Variants in SETD1A observed in about 807,000 individuals in gnomAD.
SETD1A encodes the protein histone-lysine N-methyltransferase SETD1A.
A neutral mutation model predicts 149.9 loss-of-function variants in SETD1A; 29 were observed. That is an observed-to-expected ratio of 0.19 (90% CI 0.14 to 0.26). The LOEUF (loss-of-function observed/expected upper bound fraction) is 0.26. Among genes scored for constraint, SETD1A ranks in the 10% least tolerant of loss-of-function variants. SETD1A has a pLI of 1.00. For synonymous variants in SETD1A, 1,141 were observed against 968.5 expected (o/e 1.18, Z -3.31); for missense variants, 2,109 against 2,353.1 (o/e 0.90, Z 2.15).
At chr16:30,963,336 A>C (rs2056080219) in intron 4 of SETD1A, 97 bp from the exon 5 acceptor site, 1 of 1,215,698 alleles carries the variant, frequency 8.2e-7, no homozygotes, top group South Asian at 1.7e-5. Flanking sequence ...ATTCCAAGAA[A>C]TTGTAGGAAA....
Position 30,983,926 on chromosome 16 carries a change from T to A in SETD1A, c.5027T>A (p.Val1676Glu). 6.2e-7 allele frequency: 1 copy of A among 1,613,984 alleles called. No homozygotes were observed. Among genetic ancestry groups the A allele is most frequent in the Non-Finnish European group, 8.5e-7 (1 of 1,179,938 alleles). Residue 1676 changes from valine (V) to glutamate (E), a missense_variant, in exon 19 of 19, where the codon GTG (valine) becomes GAG (glutamate). Physicochemically the swap from Val to Glu is moderately radical, Grantham distance 121. Around this residue, in one of 8 missense-constraint regions of SETD1A, gnomAD observed 254 missense variants for 409.3 expected, o/e 0.62. Transcript: ENST00000262519. This position sits in a 1 kb window ranked among gnomAD's most constrained non-coding sequence, Gnocchi z 6.8. ...ATCTACTCCAAGCAGCCCATTGGCG[T>A]GGACGAGGAGATCACCTACGACTAC... ...IVIYSKQPIG[V>E]DEEITYDYKF...
intron 6 of SETD1A, 117 bp downstream of exon 6, chr16:30,964,440 C>T: frequency 3.8e-6 from 5 of 1,330,166 alleles, no homozygotes; most frequent in Non-Finnish European, 5.2e-6. Flanking sequence ...CCTAGTTTCT[C>T]TGTGGATTCA....
At position 30,984,086 on chromosome 16, in the gene SETD1A, C is replaced by A; in HGVS notation, c.*63C>A. Reference sequence around the variant, plus strand: ...CCCCTGGTGCCCTGAGCTCCCAGCACCCCCCCAGCCTTAGTGGGCTCAGCA... The same window carrying A: ...CCCCTGGTGCCCTGAGCTCCCAGCAACCCCCCAGCCTTAGTGGGCTCAGCA... On this transcript the variant is annotated 3_prime_UTR_variant, in exon 19 of 19. Transcript: ENST00000262519. The A allele has an allele frequency of 2.8e-6, 4 of 1,447,202 alleles. No homozygotes were observed. The highest frequency in any genetic ancestry group is 2.0e-4 in the Middle Eastern group (1 of 5,098). 89.6% of individuals were successfully genotyped at this position (1,447,202 alleles called of 1,614,324 possible).
intron 13 of SETD1A, among the ~76,000 whole-genome samples, chr16:30,972,831 G>A (rs2056241592): frequency 6.6e-6 from 1 of 151,842 alleles, no homozygotes; most frequent in African/African-American, 2.4e-5. Context: ...TCCAGCCTGG[G>A]TGGCAGAGCG....
At chr16:30,981,273 C>T in intron 17 of SETD1A, 93 bp downstream of exon 17, 1 of 1,519,952 alleles carries the variant, frequency 6.6e-7, no homozygotes, top group Middle Eastern at 1.7e-4. Flanking sequence ...TAAAGCCTTG[C>T]ACACTCCCTA....
chr16:30,958,721 A>T lies in SETD1A; in HGVS notation c.-11A>T. The T allele has an allele frequency of 6.2e-7, 1 of 1,613,994 alleles. No homozygotes were observed. The highest frequency in any genetic ancestry group is 8.5e-7 in the Non-Finnish European group (1 of 1,179,916). On this transcript the variant is annotated 5_prime_UTR_variant, in exon 2 of 19. It removes the in-frame stop codon of an upstream open reading frame in the 5' UTR. Coordinates refer to ENST00000262519, the MANE Select transcript of SETD1A (RefSeq NM_014712.3). Reference sequence around the variant, plus strand: ...GTGTCCCTCTTCCCCTAACAGTGTAAATGAGCAAAGATGGATCAGGAAGGT... The same window carrying T: ...GTGTCCCTCTTCCCCTAACAGTGTATATGAGCAAAGATGGATCAGGAAGGT...
At position 30,966,266 on chromosome 16, in the gene SETD1A, C is replaced by T. The variant is rs774212665; in HGVS notation, c.2385C>T (p.Leu795=). 1.1e-5 allele frequency: 17 copies of T among 1,613,732 alleles called. No homozygotes were observed. Among genetic ancestry groups the T allele is most frequent in the East Asian group, 6.7e-5 (3 of 44,892 alleles). ...CAGCAGGCACCGTGGGCCGTGTGCTCGCCATGCTGGTCCAGGAGATGAAGA... is the reference window on the plus strand; with the variant it reads ...CAGCAGGCACCGTGGGCCGTGTGCTTGCCATGCTGGTCCAGGAGATGAAGA... ...LPTAGTVGRV[L]AMLVQEMKSI... The change falls in exon 8 of 19, where the codon CTC becomes CTT. Residue 795 remains leucine, a synonymous_variant. Coordinates refer to ENST00000262519, the MANE Select transcript of SETD1A (RefSeq NM_014712.3).
At chr16:30,962,739 G>A (rs1265317756) in intron 4 of SETD1A, among the ~76,000 whole-genome samples, 1 of 152,224 alleles carries the variant, frequency 6.6e-6, no homozygotes, top group African/African-American at 2.4e-5. Flanking sequence ...CTGAGGACAG[G>A]AGCTCGAGAC....
chr16:30,965,452 A>T lies in SETD1A; in HGVS notation c.1710A>T (p.Gly570=). Residue 570 remains glycine, a synonymous_variant, in exon 7 of 19, where the codon GGA becomes GGT. Transcript: ENST00000262519. ...GATRESPKAN[G]QNQASPCSSG... is the part of the protein sequence containing the mutation. ...CCCGGGAGTCTCCCAAGGCAAATGGACAGAACCAGGTGAGGTTGGGGTCAG... is the reference window on the plus strand; with the variant it reads ...CCCGGGAGTCTCCCAAGGCAAATGGTCAGAACCAGGTGAGGTTGGGGTCAG... 1 of 1,595,852 alleles carries T rather than the reference A, an allele frequency of 6.3e-7. No individual in the cohort carries two copies. The highest frequency in any genetic ancestry group is 8.6e-7 in the Non-Finnish European group (1 of 1,167,030).
rs771487282 is a variant in SETD1A at position 30,979,168 on chromosome 16, A to G, written c.3382A>G (p.Ser1128Gly). ...PAGPTEESPP[S>G]APLRPPEPPA... ...AGGCCCCACGGAGGAGTCACCCCCC[A>G]GTGCGCCTCTGCGTCCCCCAGAACC... Residue 1128 changes from serine (S) to glycine (G), a missense_variant, in exon 14 of 19, where the codon AGT becomes GGT. Ser to Gly is a moderately conservative substitution (Grantham distance 56). Coordinates refer to ENST00000262519, the MANE Select transcript of SETD1A (RefSeq NM_014712.3). The G allele has an allele frequency of 3.2e-6, 5 of 1,575,414 alleles. No individual in the cohort carries two copies. The Admixed American group carries it at 7.2e-5, about 23-fold the overall frequency.
rs964406639 is a variant in SETD1A at position 30,984,150 on chromosome 16, G to T, written c.*127G>T. 5.3e-5 allele frequency: 46 copies of T among 870,474 alleles called. 1 individual carries two copies. The highest frequency in any genetic ancestry group is 7.7e-5 in the Non-Finnish European group (45 of 588,060). 53.9% of individuals were successfully genotyped at this position (870,474 alleles called of 1,614,324 possible). On this transcript the variant is annotated 3_prime_UTR_variant, in exon 19 of 19. Transcript: ENST00000262519. ...CCCATCTCCAAGCGTGGGGTTGGGGGCCCCAAGCCCAGCGAGGGAGCCTCA... is the reference window on the plus strand; with the variant it reads ...CCCATCTCCAAGCGTGGGGTTGGGGTCCCCAAGCCCAGCGAGGGAGCCTCA...
At position 30,984,585 on chromosome 16, in the gene SETD1A, T is replaced by TG. The variant is rs1279501884; in HGVS notation, c.*565dup. On this transcript the variant is annotated 3_prime_UTR_variant, in exon 19 of 19. Coordinates refer to ENST00000262519, the MANE Select transcript of SETD1A (RefSeq NM_014712.3). ...GGATGGCGGGGTGGGTCCCTTTTGC[T>TG]GGGCTGGACTGTACATATGTTAATA... The TG allele has an allele frequency of 6.3e-6, 1 of 159,252 alleles. No individual in the cohort carries two copies. The highest frequency in any genetic ancestry group is 2.4e-5 in the African/African-American group (1 of 41,510). The allele number at this position is 159,252 out of a possible 1,614,324, so 9.9% of individuals were successfully genotyped here. A position where few individuals can be genotyped will look rare whatever the true frequency, so the allele number is the denominator to read the frequency against.
rs58480796 is a variant in SETD1A at position 30,963,356 on chromosome 16, T to A, written c.518-77T>A. On this transcript the variant is annotated intron_variant, in intron 4 of 18. Transcript: ENST00000262519. ...AAGAAATTGTAGGAAACTTGAGGCC[T>A]GAGAAAGCAGGAATACCAGATCAGG... is the stretch of plus-strand genomic sequence containing the variant. 4,935 of 1,384,610 alleles carry A rather than the reference T, an allele frequency of 3.6e-3. 138 individuals carry two copies. The African/African-American group carries it at 0.065, about 18-fold the overall frequency. The allele number at this position is 1,384,610 out of a possible 1,614,324, so 85.8% of individuals were successfully genotyped here. A position where few individuals can be genotyped will look rare whatever the true frequency, so the allele number is the denominator to read the frequency against.
At chr16:30,958,492 A>G (rs1291739522) in intron 1 of SETD1A, 15 of 531,644 alleles carry the variant, frequency 2.8e-5, no homozygotes, top group Non-Finnish European at 4.7e-5. Context: ...GGGGCTCGAG[A>G]CGGGCCTGGG....
chr16:30,962,252 A>G (rs1310438697), intron 4 of SETD1A, among the ~76,000 whole-genome samples: 1 of 152,058 alleles, frequency 6.6e-6, no homozygotes, highest in Admixed American at 6.6e-5. Flanking sequence ...TTTAGTAGAG[A>G]TAGGGTTTCA....
rs371861151 is a variant in SETD1A, at chr16:30,984,138, G to C, written c.*115G>C. The C allele has an allele frequency of 1.9e-6, 2 of 1,046,892 alleles. No homozygotes were observed. Among genetic ancestry groups the C allele is most frequent in the Non-Finnish European group, 2.7e-6 (2 of 746,514 alleles). The allele number at this position is 1,046,892 out of a possible 1,614,324, so 64.9% of individuals were successfully genotyped here. On this transcript the variant is annotated 3_prime_UTR_variant, in exon 19 of 19. Coordinates refer to ENST00000262519, the MANE Select transcript of SETD1A (RefSeq NM_014712.3). ...GGCCCACATGCCCCCATCTCCAAGC[G>C]TGGGGTTGGGGGCCCCAAGCCCAGC...
rs1024170002 is a variant in SETD1A, at chr16:30,958,710, C to G, written c.-15-7C>G. On this transcript the variant is annotated splice_polypyrimidine_tract_variant and splice_region_variant and intron_variant, in intron 1 of 18. Transcript: ENST00000262519. ...ATCCTTCTTGCGTGTCCCTCTTCCC[C>G]TAACAGTGTAAATGAGCAAAGATGG... 2 of 1,613,620 alleles carry G rather than the reference C, an allele frequency of 1.2e-6. No homozygotes were observed. Among genetic ancestry groups the G allele is most frequent in the South Asian group, 1.1e-5 (1 of 91,042 alleles).
At chr16:30,963,047 T>C (rs753865260) in intron 4 of SETD1A, among the ~76,000 whole-genome samples, 1 of 152,230 alleles carries the variant, frequency 6.6e-6, no homozygotes, top group Non-Finnish European at 1.5e-5. Context: ...TGCTTTAGTT[T>C]ACAGGATAAA....
chr16:30,965,319 C>T lies in SETD1A; in HGVS notation c.1577C>T (p.Thr526Ile), dbSNP rs545733263. ...NSSMVLGARD[T>I]GSEVPSGSGH... ...AGCATGGTCCTTGGGGCCAGAGATA[C>T]AGGGAGTGAGGTGCCTTCTGGGTCA... is the stretch of plus-strand genomic sequence containing the variant. The change falls in exon 7 of 19, where the codon ACA becomes ATA. Residue 526 changes from threonine to isoleucine, a missense_variant. Coordinates refer to ENST00000262519, the MANE Select transcript of SETD1A (RefSeq NM_014712.3). 2.5e-6 allele frequency: 4 copies of T among 1,614,214 alleles called. No homozygotes were observed. In the South Asian group the frequency reaches 3.3e-5, roughly 13 times the overall value.
Sources: gnomAD v4.1 joint callset for allele counts (sites outside exome capture counted in the v4.1 genomes callset) on GRCh38, gnomAD v4.1.1 for gene constraint, gnomAD v4.1.1 regional missense constraint, Gnocchi (gnomAD v3.1) non-coding constraint, MANE v1.5 for transcripts, NCBI Gene and HGNC (gene_info 2026-07-23, HGNC 2026-07-21) for gene names.